DMRTA1: variants seen among roughly 807,000 people sequenced by gnomAD.
The protein encoded by DMRTA1 is DMRT like family A1, also known as doublesex- and mab-3-related transcription factor A1.
A neutral mutation model predicts 35.2 loss-of-function variants in DMRTA1; 34 were observed. That is an observed-to-expected ratio of 0.97 (90% CI 0.74 to 1.29). The LOEUF is 1.29. DMRTA1 is among the 50% of genes most tolerant of loss of function. The pLI, the probability that DMRTA1 is intolerant of heterozygous loss-of-function variation, is 0.00. For missense variants in DMRTA1, 824 were observed against 644.6 expected (o/e 1.28, Z -3.01); for synonymous variants, 344 against 276.6 (o/e 1.24, Z -2.42).
At chr9:22,447,975 A>G (rs999643977) in intron 1 of DMRTA1, among the ~76,000 whole-genome samples, 1 of 152,142 alleles carries the variant, frequency 6.6e-6, no homozygotes, top group Non-Finnish European at 1.5e-5. Context: ...AAAATGAAGC[A>G]TGGGTGGTAA....
In DMRTA1 at chr9:22,447,552, G is replaced by T; in HGVS notation, c.487G>T (p.Gly163Trp). The T allele has an allele frequency of 6.3e-7, 1 of 1,591,650 alleles. No individual in the cohort carries two copies. Among genetic ancestry groups the T allele is most frequent in the Non-Finnish European group, 8.6e-7 (1 of 1,169,580 alleles). Residue 163 changes from glycine to tryptophan, a missense_variant, in exon 1 of 2, where the codon GGG becomes TGG. Physicochemically the swap from Gly to Trp is radical, Grantham distance 184. Coordinates refer to ENST00000325870, the MANE Select transcript of DMRTA1 (RefSeq NM_022160.3). ...ARGLQRLLCS[G>W]LSWPPGGRAS... The stretch of plus-strand genomic sequence containing the variant: ...GGGGCTACAGAGGCTCCTGTGCTCG[G>T]GGCTCTCCTGGCCCCCCGGTGGTCG...
intron 1 of DMRTA1, among the ~76,000 whole-genome samples, chr9:22,448,833 T>C (rs1818880165): frequency 7.4e-6 from 1 of 135,472 alleles, no homozygotes; most frequent in Non-Finnish European, 1.5e-5. Context: ...GAATTTTGTG[T>C]TTGCATGTGT....
In DMRTA1 at chr9:22,452,601, G is replaced by C. The variant is rs996806522; in HGVS notation, c.*690G>C. On this transcript the variant is annotated 3_prime_UTR_variant, in exon 2 of 2. Coordinates refer to ENST00000325870, the MANE Select transcript of DMRTA1 (RefSeq NM_022160.3). ...GAAGTAAATTTTAGGAAATAAGACT[G>C]CGCCATCTCCTGGCCACTATCGCCA... 3 of 152,152 alleles carry C rather than the reference G, an allele frequency of 2.0e-5. No individual in the cohort carries two copies. The highest frequency in any genetic ancestry group is 4.4e-5 in the Non-Finnish European group (3 of 68,022). 9.4% of individuals were successfully genotyped at this position (152,152 alleles called of 1,614,324 possible). A position where few individuals can be genotyped will look rare whatever the true frequency, so the allele number is the denominator to read the frequency against.
intron 1 of DMRTA1, among the ~76,000 whole-genome samples, chr9:22,448,710 T>A (rs1488947740): frequency 7.9e-5 from 12 of 152,208 alleles, no homozygotes; most frequent in Admixed American, 7.9e-4. Context: ...TTCCTTGAAT[T>A]ATGAAAATTG....
intron 1 of DMRTA1, among the ~76,000 whole-genome samples, chr9:22,450,253 A>C (rs1016013624): frequency 6.6e-6 from 1 of 152,152 alleles, no homozygotes; most frequent in African/African-American, 2.4e-5. Flanking sequence ...TTTTTAAAAG[A>C]CAATTTGAGG....
rs1273196355 is a variant in DMRTA1, at chr9:22,454,198, A to C, written c.*2287A>C. 1 of 151,960 alleles carries C rather than the reference A, an allele frequency of 6.6e-6. No homozygotes were observed. Among genetic ancestry groups the C allele is most frequent in the African/African-American group, 2.4e-5 (1 of 41,380 alleles). 9.4% of individuals were successfully genotyped at this position (151,960 alleles called of 1,614,324 possible). ...CTCAGCAGTAGGGTTTTTTCTCCCTAAGGTTAGTAATATGAGTCATCTGCA... is the reference window on the plus strand; with the variant it reads ...CTCAGCAGTAGGGTTTTTTCTCCCTCAGGTTAGTAATATGAGTCATCTGCA... On this transcript the variant is annotated 3_prime_UTR_variant, in exon 2 of 2. Coordinates refer to ENST00000325870, the MANE Select transcript of DMRTA1 (RefSeq NM_022160.3).
chr9:22,448,667 G>C (rs1818875498), intron 1 of DMRTA1, among the ~76,000 whole-genome samples: 1 of 151,950 alleles, frequency 6.6e-6, no homozygotes, highest in African/African-American at 2.4e-5. Context: ...GAAATTGTAT[G>C]ATAGCTATAC....
intron 1 of DMRTA1, among the ~76,000 whole-genome samples, chr9:22,450,822 T>G (rs971694964): frequency 1.3e-5 from 2 of 152,196 alleles, no homozygotes; most frequent in African/African-American, 4.8e-5. Flanking sequence ...AATTGCATTT[T>G]AATATTGCAT....
In DMRTA1 at chr9:22,452,066, A is replaced by T; in HGVS notation, c.*155A>T. 1.2e-6 allele frequency: 1 copy of T among 846,730 alleles called. No individual in the cohort carries two copies. Among genetic ancestry groups the T allele is most frequent in the Non-Finnish European group, 1.8e-6 (1 of 570,796 alleles). The allele number at this position is 846,730 out of a possible 1,614,324, so 52.5% of individuals were successfully genotyped here. A position where few individuals can be genotyped will look rare whatever the true frequency, so the allele number is the denominator to read the frequency against. Reference sequence around the variant, plus strand: ...GGTTTTTTTTTTTTCAAGCAATATAATAGGTCTTAGATCTGAAAACTCTTC... The same window carrying T: ...GGTTTTTTTTTTTTCAAGCAATATATTAGGTCTTAGATCTGAAAACTCTTC... On this transcript the variant is annotated 3_prime_UTR_variant, in exon 2 of 2. Coordinates refer to ENST00000325870, the MANE Select transcript of DMRTA1 (RefSeq NM_022160.3).
In DMRTA1 at chr9:22,447,393, A is replaced by G. The variant is rs1269754547; in HGVS notation, c.328A>G (p.Lys110Glu). Residue 110 changes from lysine (K) to glutamate (E), a missense_variant, in exon 1 of 2, where the codon AAG becomes GAG. Coordinates refer to ENST00000325870, the MANE Select transcript of DMRTA1 (RefSeq NM_022160.3). Reference sequence around the variant, plus strand: ...TAACCATGGTGTGGTGTCAGCGCTCAAGGGCCACAAGCGCTTCTGCCGCTG... The same window carrying G: ...TAACCATGGTGTGGTGTCAGCGCTCGAGGGCCACAAGCGCTTCTGCCGCTG... ...CRNHGVVSAL[K>E]GHKRFCRWRD... The G allele has an allele frequency of 2.6e-6, 4 of 1,552,974 alleles. No homozygotes were observed.
In DMRTA1 at chr9:22,447,072, C is replaced by A; in HGVS notation, c.7C>A (p.Arg3=). ...GGCCAGAAATTTCTCGGGAATGGAG[C>A]GGTCACAGTGTGGCAGCAGAGACCG... The part of the protein sequence containing the change: ME[R]SQCGSRDRGV... Residue 3 remains arginine (R), a synonymous_variant, in exon 1 of 2, where the codon CGG becomes AGG. Coordinates refer to ENST00000325870, the MANE Select transcript of DMRTA1 (RefSeq NM_022160.3). 6.2e-7 allele frequency: 1 copy of A among 1,608,326 alleles called. No individual in the cohort carries two copies. Among genetic ancestry groups the A allele is most frequent in the Non-Finnish European group, 8.5e-7 (1 of 1,178,030 alleles).
At position 22,447,367 on chromosome 9, in the gene DMRTA1, G is replaced by C; in HGVS notation, c.302G>C (p.Arg101Pro). ...YPRTPKCARC[R>P]NHGVVSALKG... ...CGGACGCCCAAGTGCGCCCGCTGTC[G>C]TAACCATGGTGTGGTGTCAGCGCTC... Residue 101 changes from arginine (R) to proline (P), a missense_variant, in exon 1 of 2, where the codon CGT (arginine) becomes CCT (proline). Transcript: ENST00000325870. The C allele has an allele frequency of 6.5e-7, 1 of 1,544,520 alleles. No homozygotes were observed. The highest frequency in any genetic ancestry group is 8.7e-7 in the Non-Finnish European group (1 of 1,148,948).
Position 22,453,986 on chromosome 9 carries a change from A to G in DMRTA1, c.*2075A>G, listed in dbSNP as rs1818970171. Reference sequence around the variant, plus strand: ...GATGTGCTTGTATCTGAGAAACTGAATTGCTTTTGACCTTGGGAGAACATC... The same window carrying G: ...GATGTGCTTGTATCTGAGAAACTGAGTTGCTTTTGACCTTGGGAGAACATC... On this transcript the variant is annotated 3_prime_UTR_variant, in exon 2 of 2. Transcript: ENST00000325870. 6.6e-6 allele frequency: 1 copy of G among 152,062 alleles called. No individual in the cohort carries two copies. The highest frequency in any genetic ancestry group is 2.4e-5 in the African/African-American group (1 of 41,426). 9.4% of individuals were successfully genotyped at this position (152,062 alleles called of 1,614,324 possible).
At position 22,451,438 on chromosome 9, in the gene DMRTA1, A is replaced by G; in HGVS notation, c.1042A>G (p.Ile348Val). The G allele has an allele frequency of 2.5e-6, 4 of 1,614,204 alleles. No homozygotes were observed. The highest frequency in any genetic ancestry group is 1.3e-5 in the African/African-American group (1 of 75,070). Residue 348 changes from isoleucine to valine, a missense_variant, in exon 2 of 2, where the codon ATT becomes GTT. Ile to Val is a conservative substitution (Grantham distance 29). Coordinates refer to ENST00000325870, the MANE Select transcript of DMRTA1 (RefSeq NM_022160.3). The part of the protein sequence containing the change: ...PNYRRSRLEG[I>V]LRFCKGDVVQ... ...TTACAGGCGCAGCCGGCTAGAAGGC[A>G]TTCTACGGTTCTGCAAAGGGGATGT...
chr9:22,452,721 A>G lies in DMRTA1; in HGVS notation c.*810A>G, dbSNP rs982183715. ...AAATAGTCATTTTGGATTATACTAC[A>G]TTAAAATTTCCATACTGTAAAGTGC... On this transcript the variant is annotated 3_prime_UTR_variant, in exon 2 of 2. Transcript: ENST00000325870. The G allele has an allele frequency of 2.1e-4, 32 of 152,256 alleles. No homozygotes were observed. Among genetic ancestry groups the G allele is most frequent in the African/African-American group, 7.5e-4 (31 of 41,566 alleles). 9.4% of individuals were successfully genotyped at this position (152,256 alleles called of 1,614,324 possible). A position where few individuals can be genotyped will look rare whatever the true frequency, so the allele number is the denominator to read the frequency against.
Position 22,451,301 on chromosome 9 carries a change from C to A in DMRTA1, c.905C>A (p.Ser302Ter), listed in dbSNP as rs755681561. 5 of 1,614,114 alleles carry A rather than the reference C, an allele frequency of 3.1e-6. No individual in the cohort carries two copies. The highest frequency in any genetic ancestry group is 4.2e-6 in the Non-Finnish European group (5 of 1,179,978). The change falls in exon 2 of 2, where the codon TCA (serine) becomes TAA (stop). Residue 302 changes from serine to a stop codon, truncating the protein, a stop_gained. Transcript: ENST00000325870. LOFTEE classifies it high-confidence loss of function. ...PRSLSSSDLE[S>*]GNESEWVKDL... ...TCCTTATCATCCTCTGATCTGGAAT[C>A]AGGAAATGAAAGTGAATGGGTCAAA...
rs759284409 is a variant in DMRTA1, at chr9:22,447,006, A to G, written c.-60A>G. 2.4e-5 allele frequency: 37 copies of G among 1,560,804 alleles called. No homozygotes were observed. The highest frequency in any genetic ancestry group is 3.2e-5 in the Non-Finnish European group (37 of 1,153,360). On this transcript the variant is annotated 5_prime_UTR_variant, in exon 1 of 2. Transcript: ENST00000325870. ...GCCCCGGCTTCCCCAGCCTCCCAGC[A>G]GGGTTAGCTGCGGTCAGCGCACTTT...
intron 1 of DMRTA1, among the ~76,000 whole-genome samples, 183 bp downstream of exon 1, chr9:22,447,915 T>G (rs1011487536): frequency 1.3e-5 from 2 of 152,172 alleles, no homozygotes; most frequent in African/African-American, 4.8e-5. Context: ...TCGCCTTCAC[T>G]TTGGAGGAAT....
At position 22,446,934 on chromosome 9, in the gene DMRTA1, CTT is replaced by C. The variant is rs1818837141; in HGVS notation, c.-129_-128del. 7.6e-6 allele frequency: 9 copies of C among 1,190,878 alleles called. No homozygotes were observed. The highest frequency in any genetic ancestry group is 9.3e-6 in the Non-Finnish European group (8 of 862,008). The allele number at this position is 1,190,878 out of a possible 1,614,324, so 73.8% of individuals were successfully genotyped here. A position where few individuals can be genotyped will look rare whatever the true frequency, so the allele number is the denominator to read the frequency against. ...CCTTCCGAGTGGAAAGAGTGTAAAA[CTT>C]TTGTCCGTGCGCGGGTGGAGCTCAG... On this transcript the variant is annotated 5_prime_UTR_variant, in exon 1 of 2. Coordinates refer to ENST00000325870, the MANE Select transcript of DMRTA1 (RefSeq NM_022160.3).
Sources: gnomAD v4.1 joint callset for allele counts (sites outside exome capture counted in the v4.1 genomes callset) on GRCh38, gnomAD v4.1.1 for gene constraint, MANE v1.5 for transcripts, NCBI Gene and HGNC (gene_info 2026-07-23, HGNC 2026-07-21) for gene names.